Variants in SLC2A13 observed in about 807,000 individuals in gnomAD.
SLC2A13 encodes solute carrier family 2 member 13.
Under a neutral mutation model 64.4 loss-of-function variants are expected in SLC2A13, and 32 were observed. That is an observed-to-expected ratio of 0.50 (90% confidence interval 0.37 to 0.67). SLC2A13 has a LOEUF of 0.67. Ranked by LOEUF, SLC2A13 falls within the 30% of genes least tolerant of loss-of-function variation. The pLI is 0.00. For missense variants in SLC2A13, 743 were observed against 829.2 expected, an observed-to-expected ratio of 0.90 and a Z score of 1.28; for synonymous variants, 338 against 327.1, an observed-to-expected ratio of 1.03 and a Z score of -0.36.
chr12:39,783,545 T>C (rs1345894172), intron 7 of SLC2A13, among the ~76,000 whole-genome samples: 7 of 152,218 alleles, frequency 4.6e-5, no homozygotes, highest in African/African-American at 1.4e-4. Context: ...GTTTCCTGAC[T>C]TTTTAATGAT....
At chr12:39,826,864 T>TTTTTTTTTTTTTTTTTTTTTTTTC (rs908001616) in intron 7 of SLC2A13, among the ~76,000 whole-genome samples, 5 of 143,504 alleles carry the variant, frequency 3.5e-5, no homozygotes, top group Admixed American at 1.4e-4. Flanking sequence ...ATTTTTTTTT[T>TTTTTTTTTTTTTTTTTTTTTTTTC]TTTTTTTTGC....
intron 3 of SLC2A13, among the ~76,000 whole-genome samples, chr12:39,968,675 G>A (rs1273366592): frequency 3.3e-5 from 5 of 151,274 alleles, no homozygotes; most frequent in African/African-American, 1.2e-4. Context: ...TTCCTTGAAA[G>A]AAGAGGTCTA....
intron 4 of SLC2A13, among the ~76,000 whole-genome samples, chr12:39,942,561 T>C (rs565365432): frequency 1.3e-5 from 2 of 152,348 alleles, no homozygotes; most frequent in Admixed American, 6.5e-5. Flanking sequence ...ATATTAATCT[T>C]GTACCAGGAA....
At chr12:39,905,993 A>C (rs1778852898) in intron 4 of SLC2A13, among the ~76,000 whole-genome samples, 2 of 152,176 alleles carry the variant, frequency 1.3e-5, no homozygotes, top group Non-Finnish European at 2.9e-5. Flanking sequence ...ATTGAAATAT[A>C]ACAGCTGATT....
intron 4 of SLC2A13, among the ~76,000 whole-genome samples, chr12:39,920,512 A>G (rs1205750865): frequency 2.6e-5 from 4 of 152,074 alleles, no homozygotes; most frequent in African/African-American, 4.8e-5. Flanking sequence ...AAAGATGGAA[A>G]CCGAATAGTA....
chr12:40,058,349 A>G (rs1275568636), intron 1 of SLC2A13, among the ~76,000 whole-genome samples: 1 of 152,110 alleles, frequency 6.6e-6, no homozygotes, highest in African/African-American at 2.4e-5. Flanking sequence ...TTCTACATGC[A>G]TACCTTTTGC....
At chr12:39,822,376 C>T (rs117249664) in intron 7 of SLC2A13, among the ~76,000 whole-genome samples, 2,314 of 152,214 alleles carry the variant, frequency 0.015, 27 homozygotes, top group Middle Eastern at 0.024. Flanking sequence ...ATGATTCCCA[C>T]GCCTATGAAA....
At chr12:39,769,462 A>G (rs927630141) in intron 7 of SLC2A13, among the ~76,000 whole-genome samples, 1 of 152,130 alleles carries the variant, frequency 6.6e-6, no homozygotes, top group Non-Finnish European at 1.5e-5. Context: ...TACTTTGAAC[A>G]TCAATTTTTC....
chr12:39,853,663 G>C lies in SLC2A13; in HGVS notation c.1319+11099C>G, dbSNP rs1292727767. 3.4e-5 allele frequency among the ~76,000 whole-genome samples: 5 copies of C among 146,324 alleles called. No individual in the cohort carries two copies. In the East Asian group the frequency reaches 1.0e-3, roughly 30 times the overall value. On this transcript the variant is annotated intron_variant, in intron 6 of 9. Coordinates refer to ENST00000280871, the MANE Select transcript of SLC2A13 (RefSeq NM_052885.4). ...AATCTGTAAAAGCTTTAGTCAGACT[G>C]CTACAGCCTGGTGTTTCATCAAGCT...
chr12:39,898,451 G>T (rs1944986748), intron 4 of SLC2A13, among the ~76,000 whole-genome samples: 1 of 152,102 alleles, frequency 6.6e-6, no homozygotes, highest in Non-Finnish European at 1.5e-5. Context: ...TCCATTTGGA[G>T]AATGACATAC....
intron 1 of SLC2A13, among the ~76,000 whole-genome samples, chr12:40,096,411 A>G (rs1938944755): frequency 6.6e-6 from 1 of 152,010 alleles, no homozygotes; most frequent in Admixed American, 6.6e-5. Context: ...AAATAAATTT[A>G]CCATAATATT....
chr12:39,764,960 T>C, intron 7 of SLC2A13, 102 bp from the exon 8 acceptor site: 1 of 1,304,498 alleles, frequency 7.7e-7, no homozygotes, highest in Non-Finnish European at 1.0e-6. Flanking sequence ...CTTAATGTCT[T>C]AAGAGTCCAA....
intron 4 of SLC2A13, among the ~76,000 whole-genome samples, chr12:39,940,301 G>A (rs1945997217): frequency 6.6e-6 from 1 of 151,928 alleles, no homozygotes; most frequent in Non-Finnish European, 1.5e-5. Context: ...ACCTGAAAGT[G>A]TACAAACCCT....
intron 3 of SLC2A13, among the ~76,000 whole-genome samples, chr12:40,025,680 G>T (rs1225642439): frequency 2.0e-5 from 3 of 152,174 alleles, no homozygotes; most frequent in African/African-American, 7.2e-5. Context: ...CCTACATTAA[G>T]GTTCCCTTCA....
At chr12:39,926,406 A>T (rs11174315) in intron 4 of SLC2A13, among the ~76,000 whole-genome samples, 16,358 of 152,194 alleles carry the variant, frequency 0.11, 949 homozygotes, top group East Asian at 0.19. Flanking sequence ...TTATAATTTT[A>T]AAAACTCAGA....
At position 40,048,181 on chromosome 12, in the gene SLC2A13, T is replaced by C. The variant is rs758683743; in HGVS notation, c.586A>G (p.Ile196Val). Residue 196 changes from isoleucine (I) to valine (V), a missense_variant, in exon 2 of 10, where the codon ATT becomes GTT. Physicochemically the swap from Ile to Val is conservative, Grantham distance 29. Around this residue, in one of 2 missense-constraint regions of SLC2A13, gnomAD observed 448 missense variants for 447.4 expected, o/e 1.00. Coordinates refer to ENST00000280871, the MANE Select transcript of SLC2A13 (RefSeq NM_052885.4). The stretch of plus-strand genomic sequence containing the variant: ...AAATTGGGTGGTGAGACCTCCGCAA[T>C]GTACACTGGCACTGTCATAGAAGCA... ...GIASMTVPVY[I>V]AEVSPPNLRG... 3.5e-5 allele frequency: 56 copies of C among 1,612,160 alleles called. No individual in the cohort carries two copies. The highest frequency in any genetic ancestry group is 4.5e-5 in the Non-Finnish European group (53 of 1,179,408).
At chr12:39,896,334 ATG>A (rs1336494876) in intron 4 of SLC2A13, among the ~76,000 whole-genome samples, 2 of 141,138 alleles carry the variant, frequency 1.4e-5, no homozygotes, top group Non-Finnish European at 3.1e-5. Context: ...ATGTGTATAT[ATG>A]TATACATATA....
chr12:39,889,140 A>AT (rs1281662375), intron 4 of SLC2A13, among the ~76,000 whole-genome samples: 2 of 152,050 alleles, frequency 1.3e-5, no homozygotes, highest in African/African-American at 4.8e-5. Context: ...GGCTCATATC[A>AT]TATTATTTCA....
At chr12:40,070,890 C>A (rs1020372178) in intron 1 of SLC2A13, among the ~76,000 whole-genome samples, 2 of 152,094 alleles carry the variant, frequency 1.3e-5, no homozygotes, top group African/African-American at 4.8e-5. Context: ...TCATTTGAAG[C>A]TTAGGGCCAC....
Sources: allele counts gnomAD v4.1 joint callset (sites outside exome capture counted in the v4.1 genomes callset), GRCh38; gene constraint gnomAD v4.1.1; regional missense constraint gnomAD v4.1.1; transcripts MANE v1.5; gene names NCBI Gene and HGNC (gene_info 2026-07-23, HGNC 2026-07-21).